Variants in KIF11 observed in about 807,000 individuals in gnomAD.
KIF11 encodes kinesin family member 11, also known as kinesin-like protein KIF11.
Under a neutral mutation model 121.0 loss-of-function variants are expected in KIF11, and 9 were observed. The observed-to-expected ratio is 0.07, with a 90% CI of 0.04 to 0.13. The LOEUF (loss-of-function observed/expected upper bound fraction) is 0.13, where lower values mean the gene tolerates loss of function less well. KIF11 is among the 10% of genes least tolerant of loss of function. The pLI, the probability that KIF11 is intolerant of heterozygous loss-of-function variation, is 1.00. For synonymous variants in KIF11, 408 were observed against 421.0 expected (o/e 0.97, Z 0.38); for missense variants, 846 against 1,217.5 (o/e 0.69, Z 4.54).
In KIF11 at chr10:92,653,986, C is replaced by T; in HGVS notation, c.*190C>T. 1 of 402,396 alleles carries T rather than the reference C, an allele frequency of 2.5e-6. No individual in the cohort carries two copies. Among genetic ancestry groups the T allele is most frequent in the Non-Finnish European group, 4.5e-6 (1 of 222,490 alleles). The allele number at this position is 402,396 out of a possible 1,614,324, so 24.9% of individuals were successfully genotyped here. A position where few individuals can be genotyped will look rare whatever the true frequency, so the allele number is the denominator to read the frequency against. ...ATTGCTTGAGCCCAGGAGTTTGAGACCAGCCTGGCCAACGTGGCAAAACCT... is the reference window on the plus strand; with the variant it reads ...ATTGCTTGAGCCCAGGAGTTTGAGATCAGCCTGGCCAACGTGGCAAAACCT... On this transcript the variant is annotated 3_prime_UTR_variant, in exon 22 of 22. Transcript: ENST00000260731.
At chr10:92,647,509 G>A (rs968855228) in intron 18 of KIF11, among the ~76,000 whole-genome samples, 1 of 152,174 alleles carries the variant, frequency 6.6e-6, no homozygotes, top group Non-Finnish European at 1.5e-5. Context: ...CAAAGCAATT[G>A]TGACACACAT....
rs140052486 is a variant in KIF11 at position 92,612,736 on chromosome 10, T to C, written c.699-304T>C. Among the ~76,000 whole-genome samples the C allele has an allele frequency of 1.7e-3, 254 of 152,342 alleles. 1 individual carries two copies. Among genetic ancestry groups the C allele is most frequent in the South Asian group, 0.015 (70 of 4,826 alleles). On this transcript the variant is annotated intron_variant, in intron 6 of 21. Coordinates refer to ENST00000260731, the MANE Select transcript of KIF11 (RefSeq NM_004523.4). Reference sequence around the variant, plus strand: ...GAAGATGATTACAAGCCATCTCTTCTTGACATACCAGGCAACTGTTTCGAC... The same window carrying C: ...GAAGATGATTACAAGCCATCTCTTCCTGACATACCAGGCAACTGTTTCGAC...
intron 1 of KIF11, among the ~76,000 whole-genome samples, chr10:92,602,350 T>G (rs1483006500): frequency 6.6e-6 from 1 of 152,214 alleles, no homozygotes; most frequent in Non-Finnish European, 1.5e-5. Flanking sequence ...TAGATCTTCT[T>G]GAAATGTTTT....
At chr10:92,623,991 A>C (rs1369438515) in intron 10 of KIF11, among the ~76,000 whole-genome samples, 1 of 152,078 alleles carries the variant, frequency 6.6e-6, no homozygotes, top group African/African-American at 2.4e-5. Context: ...TTTGTCACCC[A>C]GATAATAACC....
At position 92,606,512 on chromosome 10, in the gene KIF11, A is replaced by G. The variant is rs139504305; in HGVS notation, c.211-107A>G. On this transcript the variant is annotated intron_variant, in intron 2 of 21. Transcript: ENST00000260731. Reference sequence around the variant, plus strand: ...ATTTCAGTTGTCTCTGAATTGTCAGATGGCTTCTAGTGGGCTGAATTATGA... The same window carrying G: ...ATTTCAGTTGTCTCTGAATTGTCAGGTGGCTTCTAGTGGGCTGAATTATGA... 3.2e-4 allele frequency: 377 copies of G among 1,164,752 alleles called. 3 individuals are homozygous for G. In the East Asian group the frequency reaches 7.8e-3, roughly 24 times the overall value. The allele number at this position is 1,164,752 out of a possible 1,614,324, so 72.2% of individuals were successfully genotyped here. A position where few individuals can be genotyped will look rare whatever the true frequency, so the allele number is the denominator to read the frequency against.
At chr10:92,614,132 T>C (rs1362714280) in intron 8 of KIF11, among the ~76,000 whole-genome samples, 2 of 151,146 alleles carry the variant, frequency 1.3e-5, no homozygotes, top group Non-Finnish European at 1.5e-5. Flanking sequence ...ATCCCACTCT[T>C]GTCCCCCAGA....
rs55939251 is a variant in KIF11 at position 92,648,393 on chromosome 10, A to G, written c.2729A>G (p.Asn910Ser). 1 of 1,611,026 alleles carries G rather than the reference A, an allele frequency of 6.2e-7. No individual in the cohort carries two copies. Among genetic ancestry groups the G allele is most frequent in the East Asian group, 2.2e-5 (1 of 44,780 alleles). ...ETIKIGLTKL[N>S]CFLEQDLKLD... ...ATAAAAATTGGTTTGACTAAGCTTAATTGCTTTCTGGAACAGGATCTGAAA... is the reference window on the plus strand; with the variant it reads ...ATAAAAATTGGTTTGACTAAGCTTAGTTGCTTTCTGGAACAGGATCTGAAA... Residue 910 changes from asparagine (N) to serine (S), a missense_variant, in exon 19 of 22, where the codon AAT becomes AGT. This residue lies in a region of KIF11 where 492 missense variants were observed against 603.4 expected (regional missense o/e 0.82). Transcript: ENST00000260731.
chr10:92,599,534 A>AG (rs1418588656), intron 1 of KIF11, among the ~76,000 whole-genome samples: 1 of 151,268 alleles, frequency 6.6e-6, no homozygotes, highest in Non-Finnish European at 1.5e-5. Flanking sequence ...CAAAAAAAAA[A>AG]AAAAAGAAAA....
At chr10:92,637,104 T>C in intron 14 of KIF11, 80 bp from the exon 15 acceptor site, 1 of 1,049,042 alleles carries the variant, frequency 9.5e-7, no homozygotes, top group Admixed American at 2.7e-5. Flanking sequence ...GCTACCAAAG[T>C]ATTTAAGATA....
At chr10:92,609,297 AGAGAGAGTGTGT>A (rs878873527) in intron 5 of KIF11, 76 bp from the exon 6 acceptor site, 1,204 of 847,534 alleles carry the variant, frequency 1.4e-3, no homozygotes, top group East Asian at 3.8e-3. Flanking sequence ...AGAGAGAGAG[AGAGAGAGTGTGT>A]GTGTGTGTGT....
intron 9 of KIF11, among the ~76,000 whole-genome samples, chr10:92,619,879 T>C (rs1287949634): frequency 6.6e-6 from 1 of 151,366 alleles, no homozygotes; most frequent in African/African-American, 2.4e-5. Flanking sequence ...TGGGGAAATA[T>C]CTGTATATTT....
At chr10:92,604,159 A>G (rs1482927392) in intron 1 of KIF11, among the ~76,000 whole-genome samples, 5 of 152,190 alleles carry the variant, frequency 3.3e-5, no homozygotes, top group African/African-American at 1.2e-4. Flanking sequence ...ATTTCTAATA[A>G]GTTAGAGAAG....
At chr10:92,633,256 A>C (rs1203168758) in intron 13 of KIF11, among the ~76,000 whole-genome samples, 2 of 152,074 alleles carry the variant, frequency 1.3e-5, no homozygotes, top group Non-Finnish European at 2.9e-5. Flanking sequence ...CTCTAGTCTC[A>C]CTAAGCCAAG....
At chr10:92,641,618 A>G (rs763962061) in intron 17 of KIF11, among the ~76,000 whole-genome samples, 7 of 152,030 alleles carry the variant, frequency 4.6e-5, no homozygotes, top group Non-Finnish European at 1.0e-4. Flanking sequence ...TATTTTGTCT[A>G]CTTATATTTC....
intron 18 of KIF11, among the ~76,000 whole-genome samples, chr10:92,647,342 A>C (rs973723227): frequency 2.0e-5 from 3 of 152,140 alleles, no homozygotes; most frequent in Non-Finnish European, 2.9e-5. Flanking sequence ...CTTAAGTCTT[A>C]GTTTGCCTGA....
At chr10:92,609,301 A>AGTGAGT (rs1554859636) in intron 5 of KIF11, 84 bp from the exon 6 acceptor site, 1 of 598,352 alleles carries the variant, frequency 1.7e-6, no homozygotes, top group Non-Finnish European at 2.2e-6. Flanking sequence ...AGAGAGAGAG[A>AGTGAGT]GAGTGTGTGT....
intron 1 of KIF11, among the ~76,000 whole-genome samples, chr10:92,601,445 G>A (rs1383067919): frequency 2.0e-5 from 3 of 151,160 alleles, no homozygotes; most frequent in Non-Finnish European, 4.4e-5. Flanking sequence ...TCCTGACCTC[G>A]CGATCCGCCT....
chr10:92,614,416 A>G (rs1237216296), intron 8 of KIF11, among the ~76,000 whole-genome samples: 3 of 152,154 alleles, frequency 2.0e-5, no homozygotes, highest in Non-Finnish European at 4.4e-5. Context: ...ATTCTATGCT[A>G]TAATGTAAAA....
intron 21 of KIF11, among the ~76,000 whole-genome samples, chr10:92,651,873 A>T (rs1294664217): frequency 6.7e-6 from 1 of 148,254 alleles, no homozygotes; most frequent in African/African-American, 2.5e-5. Context: ...GCCTAGACAG[A>T]GTGTGTGAAG....
Sources: gnomAD v4.1 joint callset for allele counts (sites outside exome capture counted in the v4.1 genomes callset) on GRCh38, gnomAD v4.1.1 for gene constraint, gnomAD v4.1.1 regional missense constraint, MANE v1.5 for transcripts, NCBI Gene and HGNC (gene_info 2026-07-23, HGNC 2026-07-21) for gene names.